Variants in PDE1A observed in about 807,000 individuals in gnomAD.
The protein encoded by PDE1A is dual specificity calcium/calmodulin-dependent 3',5'-cyclic nucleotide phosphodiesterase 1A.
A neutral mutation model predicts 61.7 loss-of-function variants in PDE1A; 35 were observed. That is an observed-to-expected ratio of 0.57 (90% CI 0.43 to 0.75). The LOEUF (loss-of-function observed/expected upper bound fraction) is 0.75. Among genes scored for constraint, PDE1A ranks in the 30% least tolerant of loss-of-function variants. The pLI, the probability that PDE1A is intolerant of heterozygous loss-of-function variation, is 0.00. For missense variants in PDE1A, 597 were observed against 630.6 expected, an observed-to-expected ratio of 0.95 and a Z score of 0.57; for synonymous variants, 232 against 213.2, an observed-to-expected ratio of 1.09 and a Z score of -0.77.
chr2:182,385,985 G>A (rs995986191), intron 1 of PDE1A, among the ~76,000 whole-genome samples: 18 of 152,170 alleles, frequency 1.2e-4, no homozygotes, highest in African/African-American at 3.9e-4. Flanking sequence ...TCAGCCTGCC[G>A]AGTGCCTGTG....
intron 1 of PDE1A, among the ~76,000 whole-genome samples, chr2:182,340,517 A>T (rs1698117240): frequency 6.6e-6 from 1 of 152,204 alleles, no homozygotes; most frequent in African/African-American, 2.4e-5. Flanking sequence ...GAAAATGGGA[A>T]GTTTGAAATT....
chr2:182,479,699 C>T (rs1022107221), intron 2 of PDE1A, among the ~76,000 whole-genome samples: 1 of 151,794 alleles, frequency 6.6e-6, no homozygotes, highest in Non-Finnish European at 1.5e-5. Flanking sequence ...TTATCATATT[C>T]TGCCTCTAGT....
chr2:182,225,074 A>G (rs1689034764), intron 6 of PDE1A, among the ~76,000 whole-genome samples: 1 of 151,976 alleles, frequency 6.6e-6, no homozygotes, highest in Admixed American at 6.6e-5. Flanking sequence ...GATGCAATTT[A>G]AGAGCCTAGA....
chr2:182,209,250 A>G (rs1687371675), intron 7 of PDE1A, among the ~76,000 whole-genome samples: 1 of 152,062 alleles, frequency 6.6e-6, no homozygotes, highest in African/African-American at 2.4e-5. Flanking sequence ...GCCGCAAGAG[A>G]GAGAATGAGA....
chr2:182,302,379 T>C (rs1182523438), intron 1 of PDE1A, among the ~76,000 whole-genome samples: 1 of 152,186 alleles, frequency 6.6e-6, no homozygotes, highest in Non-Finnish European at 1.5e-5. Flanking sequence ...GTCACACAAA[T>C]TTTTTTGTTT....
intron 2 of PDE1A, among the ~76,000 whole-genome samples, chr2:182,474,217 G>T (rs879713953): frequency 1.3e-5 from 2 of 151,904 alleles, no homozygotes; most frequent in Non-Finnish European, 2.9e-5. Flanking sequence ...ATTTACTTGG[G>T]TCTAGGTATT....
chr2:182,541,875 A>C, the PDE1A span, among the ~76,000 whole-genome samples: 1 of 152,218 alleles, frequency 6.6e-6, no homozygotes, highest in African/African-American at 2.4e-5. Context: ...TTAAGTTTAA[A>C]AATTCCAAAT....
intron 1 of PDE1A, among the ~76,000 whole-genome samples, chr2:182,282,563 A>T (rs1230016742): frequency 1.3e-5 from 2 of 151,984 alleles, no homozygotes; most frequent in Admixed American, 1.3e-4. Flanking sequence ...ACACTCAAAC[A>T]TCCCAATATT....
intron 2 of PDE1A, among the ~76,000 whole-genome samples, chr2:182,458,581 AG>A (rs1000203873): frequency 6.6e-6 from 1 of 152,110 alleles, no homozygotes; most frequent in Non-Finnish European, 1.5e-5. Flanking sequence ...AAGCAAATAA[AG>A]AGGGTTCATT....
chr2:182,179,685 C>T (rs1323517674), intron 13 of PDE1A, among the ~76,000 whole-genome samples: 2 of 152,110 alleles, frequency 1.3e-5, no homozygotes, highest in Admixed American at 6.6e-5. Flanking sequence ...CCTCCTCTCT[C>T]GTCCTCCCTC....
At chr2:182,710,557 T>A in the PDE1A span, among the ~76,000 whole-genome samples, 1 of 152,254 alleles carries the variant, frequency 6.6e-6, no homozygotes, top group Non-Finnish European at 1.5e-5. Flanking sequence ...TCTCTGCTTC[T>A]GTGAGTTTTA....
chr2:182,281,485 C>T (rs1360923862), intron 1 of PDE1A, among the ~76,000 whole-genome samples: 1 of 151,934 alleles, frequency 6.6e-6, no homozygotes, highest in Non-Finnish European at 1.5e-5. Context: ...ATGCTAACCA[C>T]CTAGACCAGA....
At chr2:182,557,080 A>T in the PDE1A span, among the ~76,000 whole-genome samples, 3 of 152,146 alleles carry the variant, frequency 2.0e-5, no homozygotes, top group African/African-American at 7.2e-5. Context: ...GGATCACCTG[A>T]GGTCAGGAGT....
chr2:182,294,298 C>A (rs1056083438), intron 1 of PDE1A, among the ~76,000 whole-genome samples: 2 of 152,082 alleles, frequency 1.3e-5, no homozygotes, highest in African/African-American at 4.8e-5. Context: ...AATCTGGGCT[C>A]ATTAATGATA....
intron 2 of PDE1A, among the ~76,000 whole-genome samples, chr2:182,471,534 C>G (rs987571570): frequency 5.3e-5 from 8 of 151,672 alleles, no homozygotes; most frequent in Non-Finnish European, 4.4e-5. Flanking sequence ...TGTTTCTTCT[C>G]CAAGATATAC....
In PDE1A at chr2:182,502,350, G is replaced by GTGT. The variant is rs1199184968; in HGVS notation, c.101+19923_101+19925dup. Among the ~76,000 whole-genome samples the GTGT allele has an allele frequency of 3.6e-3, 551 of 152,168 alleles. 1 individual carries two copies. The highest frequency in any genetic ancestry group is 0.013 in the African/African-American group (522 of 41,518). On this transcript the variant is annotated intron_variant, in intron 2 of 14. Transcript: ENST00000410103. The stretch of plus-strand genomic sequence containing the variant: ...TGTGTGTGTTTGTGTGTGTGTCTGT[G>GTGT]TGTCTGTGTATCTGTATCTGTGTCT...
At chr2:182,552,602 C>T in the PDE1A span, among the ~76,000 whole-genome samples, 45 of 152,156 alleles carry the variant, frequency 3.0e-4, no homozygotes, top group Admixed American at 2.9e-3. Context: ...ACCGCATCCA[C>T]CTTTAAACAC....
chr2:182,242,031 T>A (rs2568667), intron 2 of PDE1A: 1 of 1,348,950 alleles, frequency 7.4e-7, no homozygotes, highest in Admixed American at 3.5e-5. Context: ...TCAGATACAG[T>A]GTAGGTAGAA....
chr2:182,231,261 C>A, intron 4 of PDE1A, 130 bp from the exon 5 acceptor site: 1 of 648,136 alleles, frequency 1.5e-6, no homozygotes, highest in Non-Finnish European at 2.7e-6. Context: ...ACACTTTGAC[C>A]AGAGTTTCAT....
Sources: allele counts gnomAD v4.1 joint callset (sites outside exome capture counted in the v4.1 genomes callset), GRCh38; gene constraint gnomAD v4.1.1; transcripts MANE v1.5; gene names NCBI Gene and HGNC (gene_info 2026-07-23, HGNC 2026-07-21).